The following RBMS3 variants were observed in gnomAD, a reference collection of about 807,000 sequenced individuals.
RBMS3 encodes RNA binding motif single stranded interacting protein 3.
RBMS3 carries 27 observed loss-of-function variants against 66.8 expected under a neutral mutation model. That is an observed-to-expected ratio of 0.40 (90% CI 0.30 to 0.56). The LOEUF (loss-of-function observed/expected upper bound fraction) is 0.56. RBMS3 is among the 20% of genes least tolerant of loss of function. The pLI is 0.40. For synonymous variants in RBMS3, 188 were observed against 183.0 expected (o/e 1.03, Z -0.22); for missense variants, 513 against 549.5 (o/e 0.93, Z 0.66).
intron 1 of RBMS3, among the ~76,000 whole-genome samples, chr3:29,300,873 T>C (rs947043309): frequency 6.6e-6 from 1 of 152,064 alleles, no homozygotes; most frequent in South Asian, 2.1e-4. Context: ...AGTGCTTTGA[T>C]TGATTGCTAG....
chr3:29,532,262 G>GTATATATATATATA (rs869225843), intron 3 of RBMS3, among the ~76,000 whole-genome samples: 28 of 62,672 alleles, frequency 4.5e-4, no homozygotes, highest in East Asian at 2.5e-3. Flanking sequence ...ATATATATAT[G>GTATATATATATATA]TATATATATA....
intron 10 of RBMS3, among the ~76,000 whole-genome samples, chr3:29,909,321 C>T (rs976476515): frequency 6.6e-6 from 1 of 152,022 alleles, no homozygotes; most frequent in Non-Finnish European, 1.5e-5. Flanking sequence ...TAAGTTATGT[C>T]ACTGATGTGT....
At chr3:29,395,511 A>T (rs2039506878) in intron 1 of RBMS3, among the ~76,000 whole-genome samples, 1 of 152,188 alleles carries the variant, frequency 6.6e-6, no homozygotes, top group Non-Finnish European at 1.5e-5. Flanking sequence ...AATGCTCTTA[A>T]TGCTGGAGAG....
chr3:29,476,970 A>G (rs572563088), intron 2 of RBMS3, among the ~76,000 whole-genome samples: 2 of 152,172 alleles, frequency 1.3e-5, no homozygotes, highest in African/African-American at 4.8e-5. Context: ...GAAATACATC[A>G]TTGAGTTATT....
chr3:29,919,384 T>G (rs554225548), intron 10 of RBMS3, among the ~76,000 whole-genome samples: 4 of 152,250 alleles, frequency 2.6e-5, no homozygotes, highest in Middle Eastern at 3.4e-3. Context: ...TAAAAGAAAG[T>G]AGAGAAATTA....
At chr3:29,443,969 G>C (rs925322325) in intron 2 of RBMS3, among the ~76,000 whole-genome samples, 1 of 152,208 alleles carries the variant, frequency 6.6e-6, no homozygotes, top group South Asian at 2.1e-4. Flanking sequence ...AAAATGAAAA[G>C]GATTGTGGAA....
intron 10 of RBMS3, among the ~76,000 whole-genome samples, chr3:29,919,736 G>A (rs186632714): frequency 1.6e-4 from 24 of 152,260 alleles, no homozygotes; most frequent in African/African-American, 5.1e-4. Context: ...TTCTAGCTGC[G>A]GATTCCATTT....
In RBMS3 at chr3:30,004,132, A is replaced by C. The variant is rs1172510523; in HGVS notation, c.*270A>C. On this transcript the variant is annotated 3_prime_UTR_variant, in exon 15 of 15. Coordinates refer to ENST00000383767, the MANE Select transcript of RBMS3 (RefSeq NM_001003793.3). ...GAAGAGGAAAAAAAAACTACAAAAA[A>C]CAAAACATTGAAGGTTGATATTTTA... 3.3e-6 allele frequency: 1 copy of C among 306,686 alleles called. No individual in the cohort carries two copies. The highest frequency in any genetic ancestry group is 2.2e-5 in the African/African-American group (1 of 46,202). The allele number at this position is 306,686 out of a possible 1,614,324, so 19.0% of individuals were successfully genotyped here.
chr3:29,317,206 T>C (rs2034735156), intron 1 of RBMS3, among the ~76,000 whole-genome samples: 1 of 151,822 alleles, frequency 6.6e-6, no homozygotes, highest in African/African-American at 2.4e-5. Context: ...TTATGTGGGT[T>C]GTTAATTTGT....
chr3:29,612,044 T>G (rs2149134950), intron 4 of RBMS3, among the ~76,000 whole-genome samples: 1 of 152,140 alleles, frequency 6.6e-6, no homozygotes, highest in South Asian at 2.1e-4. Context: ...CTCCTCAATT[T>G]TTTTGTTTGT....
chr3:29,597,117 G>A (rs550682141), intron 4 of RBMS3, among the ~76,000 whole-genome samples: 2 of 152,242 alleles, frequency 1.3e-5, no homozygotes, highest in Admixed American at 6.5e-5. Context: ...TATTTTAGAA[G>A]TCTTAAAGAA....
intron 2 of RBMS3, among the ~76,000 whole-genome samples, chr3:29,448,215 A>G (rs558191267): frequency 3.1e-4 from 47 of 152,342 alleles, no homozygotes; most frequent in African/African-American, 1.1e-3. Context: ...AACAAACCAG[A>G]AAAAGGCCAT....
intron 1 of RBMS3, among the ~76,000 whole-genome samples, chr3:29,373,279 T>A (rs1336667903): frequency 6.6e-6 from 1 of 152,144 alleles, no homozygotes; most frequent in Non-Finnish European, 1.5e-5. Context: ...TAGAAGCAGC[T>A]TCTGAAACTG....
chr3:29,989,346 C>T (rs1037013351), intron 13 of RBMS3, among the ~76,000 whole-genome samples: 7 of 152,144 alleles, frequency 4.6e-5, no homozygotes, highest in Non-Finnish European at 1.0e-4. Flanking sequence ...CTATATTCTT[C>T]TTTCTGGTTC....
rs1416734894 is a variant in RBMS3, at chr3:30,005,182, T to A, written c.*1320T>A. On this transcript the variant is annotated 3_prime_UTR_variant, in exon 15 of 15. Transcript: ENST00000383767. ...GTTTGTTTAAACTACCTTCCACTGG[T>A]GTTTTACATAGTGCAAAAAAAAAAA... 8.3e-6 allele frequency: 1 copy of A among 119,932 alleles called. No individual in the cohort carries two copies. Among genetic ancestry groups the A allele is most frequent in the Non-Finnish European group, 1.7e-5 (1 of 60,470 alleles). The allele number at this position is 119,932 out of a possible 1,614,324, so 7.4% of individuals were successfully genotyped here.
chr3:29,414,256 A>G (rs917419439), intron 1 of RBMS3, among the ~76,000 whole-genome samples: 1 of 152,228 alleles, frequency 6.6e-6, no homozygotes, highest in Non-Finnish European at 1.5e-5. Flanking sequence ...TACCTGGTTA[A>G]CAAATTTTAC....
chr3:29,547,745 C>G (rs1009459143), intron 3 of RBMS3, among the ~76,000 whole-genome samples: 1 of 150,612 alleles, frequency 6.6e-6, no homozygotes, highest in African/African-American at 2.4e-5. Context: ...CTGTACAGAT[C>G]TGCTAGGAGC....
chr3:29,387,893 CCTT>C (rs1414711233), intron 1 of RBMS3, among the ~76,000 whole-genome samples: 1 of 152,078 alleles, frequency 6.6e-6, no homozygotes, highest in East Asian at 1.9e-4. Flanking sequence ...TTCTGTGTTA[CCTT>C]CTTCTCTCCT....
intron 1 of RBMS3, among the ~76,000 whole-genome samples, chr3:29,428,277 G>A (rs1466849349): frequency 6.6e-6 from 1 of 152,012 alleles, no homozygotes; most frequent in Non-Finnish European, 1.5e-5. Context: ...CACAACTTTG[G>A]GAGAGGGCAG....
Sources: allele counts gnomAD v4.1 joint callset (sites outside exome capture counted in the v4.1 genomes callset), GRCh38; gene constraint gnomAD v4.1.1; transcripts MANE v1.5; gene names NCBI Gene and HGNC (gene_info 2026-07-23, HGNC 2026-07-21).